JAG1: variants seen among roughly 807,000 people sequenced by gnomAD.
JAG1 encodes protein jagged-1.
JAG1 carries 23 observed loss-of-function variants against 148.7 expected under a neutral mutation model. The observed-to-expected ratio is 0.15, with a 90% CI of 0.11 to 0.22. The LOEUF (loss-of-function observed/expected upper bound fraction) is 0.22. JAG1 is among the 10% of genes least tolerant of loss of function. The probability of loss-of-function intolerance (pLI) is 1.00; values close to 1 mark genes in which losing one functional copy is unlikely to be tolerated. For synonymous variants in JAG1, 572 were observed against 598.3 expected (o/e 0.96, Z 0.64); for missense variants, 1,054 against 1,611.2 (o/e 0.65, Z 5.92).
chr20:10,653,990 GTAAGA>G (rs550005943), intron 5 of JAG1, among the ~76,000 whole-genome samples: 30 of 152,188 alleles, frequency 2.0e-4, no homozygotes, highest in African/African-American at 6.7e-4. Context: ...GACTAAAGGA[GTAAGA>G]TAAGAACAAA....
rs1475919929 is a variant in JAG1, at chr20:10,647,070, T to C, written c.1754A>G (p.Asn585Ser). ...IDSCTVAMAS[N>S]DTPEGVRYIS... ...ATACCGCACCCCTTCAGGTGTGTCG[T>C]TGGAAGCCATGGCCACTGTGCAGCT... The change falls in exon 14 of 26, where the codon AAC becomes AGC. Residue 585 changes from asparagine to serine, a missense_variant. This residue lies in a region of JAG1 where 245 missense variants were observed against 373.1 expected (regional missense o/e 0.66). Coordinates refer to ENST00000254958, the MANE Select transcript of JAG1 (RefSeq NM_000214.3). 4 of 1,614,218 alleles carry C rather than the reference T, an allele frequency of 2.5e-6. No homozygotes were observed. Among genetic ancestry groups the C allele is most frequent in the Non-Finnish European group, 2.5e-6 (3 of 1,180,042 alleles).
intron 5 of JAG1, among the ~76,000 whole-genome samples, chr20:10,653,632 G>A (rs1036589335): frequency 7.9e-5 from 12 of 151,738 alleles, no homozygotes; most frequent in East Asian, 7.8e-4. Flanking sequence ...TTTCCAGAAC[G>A]GGACCTGGGA....
rs1451896313 is a variant in JAG1 at position 10,673,399 on chromosome 20, C to T, written c.81+51G>A. The T allele has an allele frequency of 7.6e-7, 1 of 1,310,004 alleles. No homozygotes were observed. Among genetic ancestry groups the T allele is most frequent in the South Asian group, 1.6e-5 (1 of 64,376 alleles). 81.1% of individuals were successfully genotyped at this position (1,310,004 alleles called of 1,614,324 possible). ...CGGGGCTCAACCGCCCAGGGCGCCG[C>T]GAGGGGAGGGAGAGGACGGCTGGGA... On this transcript the variant is annotated intron_variant, in intron 1 of 25. Coordinates refer to ENST00000254958, the MANE Select transcript of JAG1 (RefSeq NM_000214.3). The surrounding 1 kb of genome is among the most constrained non-coding windows in gnomAD (Gnocchi z 4.7).
intron 5 of JAG1, among the ~76,000 whole-genome samples, chr20:10,653,948 T>C (rs1056266029): frequency 1.3e-5 from 2 of 151,842 alleles, no homozygotes; most frequent in Non-Finnish European, 2.9e-5. Context: ...TGGATTCTGG[T>C]TTATGTAAAA....
chr20:10,644,778 G>T, intron 18 of JAG1, 85 bp downstream of exon 18: 1 of 954,350 alleles, frequency 1.0e-6, no homozygotes, highest in East Asian at 2.4e-5. Context: ...AAACAGCTCT[G>T]CTTCTGGTTT....
chr20:10,667,679 T>C (rs772306985), intron 2 of JAG1, among the ~76,000 whole-genome samples: 1 of 152,080 alleles, frequency 6.6e-6, no homozygotes, highest in African/African-American at 2.4e-5. Context: ...CCGATCTGGT[T>C]ACAAAGGGTG....
Position 10,673,827 on chromosome 20 carries a change from C to A in JAG1, c.-297G>T, listed in dbSNP as rs1336894912. ...TCTTTCCTTCTCTCGCGCTCCCCTT[C>A]TTTTATTATTATGATTATGCGCAGC... On this transcript the variant is annotated 5_prime_UTR_variant, in exon 1 of 26. Transcript: ENST00000254958. The surrounding 1 kb of genome is among the most constrained non-coding windows in gnomAD (Gnocchi z 4.7). The A allele has an allele frequency of 2.1e-5, 4 of 193,924 alleles. No homozygotes were observed. The highest frequency in any genetic ancestry group is 2.4e-5 in the African/African-American group (1 of 41,474). 12.0% of individuals were successfully genotyped at this position (193,924 alleles called of 1,614,324 possible). A position where few individuals can be genotyped will look rare whatever the true frequency, so the allele number is the denominator to read the frequency against.
Position 10,648,052 on chromosome 20 carries a change from C to T in JAG1, c.1628G>A (p.Arg543His), listed in dbSNP as rs544877858. The change falls in exon 13 of 26, where the codon CGT becomes CAT. Residue 543 changes from arginine to histidine, a missense_variant. By Grantham distance (29) the Arg-to-His change is conservative (BLOSUM62 0). Transcript: ENST00000254958. Reference sequence around the variant, plus strand: ...GCACTTGCAGAAATAGTCACTGGCACGGTTGTAGCACTGGGCACCGTTCTG... The same window carrying T: ...GCACTTGCAGAAATAGTCACTGGCATGGTTGTAGCACTGGGCACCGTTCTG... ...PCQNGAQCYN[R>H]ASDYFCKCPE... The T allele has an allele frequency of 8.1e-5, 130 of 1,614,112 alleles. No homozygotes were observed. The South Asian group carries it at 8.2e-4, about 10-fold the overall frequency.
At chr20:10,671,889 A>T (rs1215963293) in intron 2 of JAG1, among the ~76,000 whole-genome samples, 1 of 151,862 alleles carries the variant, frequency 6.6e-6, no homozygotes, top group African/African-American at 2.4e-5. Context: ...ACCCTCAGGC[A>T]CTACCTCCAG....
At chr20:10,658,329 T>G (rs1198832385) in intron 4 of JAG1, 139 bp downstream of exon 4, 1 of 1,083,298 alleles carries the variant, frequency 9.2e-7, no homozygotes, top group East Asian at 2.4e-5. Context: ...ACACTCCGCA[T>G]CTTCATACTG....
At chr20:10,652,446 G>A (rs920282302) in intron 6 of JAG1, 22 bp downstream of exon 6, 1 of 1,613,820 alleles carries the variant, frequency 6.2e-7, no homozygotes, top group Non-Finnish European at 8.5e-7. Flanking sequence ...CCCACCCTGG[G>A]TCTCATCCCT....
At chr20:10,653,289 A>C (rs1420957672) in intron 5 of JAG1, among the ~76,000 whole-genome samples, 1 of 149,132 alleles carries the variant, frequency 6.7e-6, no homozygotes, top group Non-Finnish European at 1.5e-5. Context: ...AAAAAAAAGA[A>C]AGCAGTCTGC....
chr20:10,662,610 T>G (rs2067425196), intron 3 of JAG1: 2 of 152,518 alleles, frequency 1.3e-5, no homozygotes, highest in Admixed American at 1.3e-4. Context: ...TTAGTTACCA[T>G]TGTAAGCAGG....
intron 21 of JAG1, 51 bp from the exon 22 acceptor site, chr20:10,641,943 G>T (rs1207106968): frequency 1.6e-6 from 2 of 1,229,100 alleles, no homozygotes; most frequent in South Asian, 1.2e-5. Context: ...ACCGGATCGG[G>T]GTTCAATTCT....
At chr20:10,653,020 C>A (rs2122615784) in intron 5 of JAG1, among the ~76,000 whole-genome samples, 1 of 152,176 alleles carries the variant, frequency 6.6e-6, no homozygotes, top group South Asian at 2.1e-4. Context: ...TCTTTGTCTG[C>A]ACAGAAAGTC....
rs1408284460 is a variant in JAG1, at chr20:10,661,531, G to A, written c.439+2432C>T. Reference sequence around the variant, plus strand: ...GAAGGCAACTGCTAGGGTATGGCCAGGCTACAGATACGATGGACAACACGG... The same window carrying A: ...GAAGGCAACTGCTAGGGTATGGCCAAGCTACAGATACGATGGACAACACGG... On this transcript the variant is annotated intron_variant, in intron 3 of 25. Coordinates refer to ENST00000254958, the MANE Select transcript of JAG1 (RefSeq NM_000214.3). Among the ~76,000 whole-genome samples the A allele has an allele frequency of 2.6e-5, 4 of 152,330 alleles. No homozygotes were observed. In the East Asian group the frequency reaches 5.8e-4, roughly 22 times the overall value.
chr20:10,652,308 T>A (rs199902368), intron 6 of JAG1, 58 bp from the exon 7 acceptor site: 1 of 1,609,954 alleles, frequency 6.2e-7, no homozygotes, highest in East Asian at 2.2e-5. Context: ...GAACCCACCA[T>A]GTTTCTAGCC....
Position 10,673,055 on chromosome 20 carries a change from T to TTTC in JAG1, c.82-50_82-49insGAA. 6.4e-7 allele frequency: 1 copy of TTTC among 1,573,858 alleles called. No homozygotes were observed. Among genetic ancestry groups the TTTC allele is most frequent in the Non-Finnish European group, 8.6e-7 (1 of 1,157,542 alleles). On this transcript the variant is annotated intron_variant, in intron 1 of 25. Coordinates refer to ENST00000254958, the MANE Select transcript of JAG1 (RefSeq NM_000214.3). The surrounding 1 kb of genome is among the most constrained non-coding windows in gnomAD (Gnocchi z 4.7). ...GTCAGCGCGGGAGAAAGCTGTTTTC[T>TTTC]TCGAGTATAGAGGTGGCGACTCCCT...
intron 25 of JAG1, 39 bp from the exon 26 acceptor site, chr20:10,639,994 A>G: frequency 6.6e-7 from 1 of 1,508,918 alleles, no homozygotes; most frequent in Non-Finnish European, 9.2e-7. Flanking sequence ...TCTCCAAGAA[A>G]GAAAGAAAAA....
Sources: gnomAD v4.1 joint callset for allele counts (sites outside exome capture counted in the v4.1 genomes callset) on GRCh38, gnomAD v4.1.1 for gene constraint, gnomAD v4.1.1 regional missense constraint, Gnocchi (gnomAD v3.1) non-coding constraint, MANE v1.5 for transcripts, NCBI Gene and HGNC (gene_info 2026-07-23, HGNC 2026-07-21) for gene names.